Variants in CNTNAP5 observed in about 807,000 individuals in gnomAD.
The protein encoded by CNTNAP5 is contactin-associated protein-like 5.
In CNTNAP5, 72 loss-of-function variants were observed where a neutral mutation model predicts 150.2. The ratio of observed to expected loss-of-function variants is 0.48; its 90% CI spans 0.40 to 0.58. CNTNAP5 has a LOEUF of 0.58. CNTNAP5 is among the 20% of genes least tolerant of loss of function. The pLI is 0.00. For synonymous variants in CNTNAP5, 672 were observed against 619.8 expected (o/e 1.08, Z -1.25); for missense variants, 1,636 against 1,626.2 (o/e 1.01, Z -0.10).
intron 1 of CNTNAP5, among the ~76,000 whole-genome samples, chr2:124,056,327 A>G (rs1202234732): frequency 1.3e-5 from 2 of 152,092 alleles, no homozygotes; most frequent in Non-Finnish European, 2.9e-5. Context: ...AGCATCTTCT[A>G]TACAACTGGA....
At chr2:124,554,484 G>A (rs1045725263) in intron 10 of CNTNAP5, among the ~76,000 whole-genome samples, 2 of 149,306 alleles carry the variant, frequency 1.3e-5, no homozygotes, top group African/African-American at 2.5e-5. Flanking sequence ...GTAGTGGTGA[G>A]GTCATAGCCC....
At chr2:124,563,086 C>G (rs1020061531) in intron 10 of CNTNAP5, 131 bp from the exon 11 acceptor site, 6 of 628,430 alleles carry the variant, frequency 9.5e-6, no homozygotes, top group South Asian at 3.8e-5. Context: ...TTCAATCTGC[C>G]TTAGGTATGG....
chr2:124,557,480 C>A (rs10188071), intron 10 of CNTNAP5, among the ~76,000 whole-genome samples: 35,315 of 152,076 alleles, frequency 0.23, 4,335 homozygotes, highest in South Asian at 0.31. Flanking sequence ...GAGGGCTGCA[C>A]CCCAGAAATG....
chr2:124,492,700 A>G (rs1017365988), intron 7 of CNTNAP5, among the ~76,000 whole-genome samples: 12 of 152,056 alleles, frequency 7.9e-5, no homozygotes, highest in South Asian at 2.1e-4. Context: ...TATTCTTATT[A>G]CTCGAACATG....
chr2:124,093,225 G>T (rs1682855681), intron 1 of CNTNAP5, among the ~76,000 whole-genome samples: 1 of 152,164 alleles, frequency 6.6e-6, no homozygotes, highest in African/African-American at 2.4e-5. Flanking sequence ...GTACATTCTT[G>T]CAATATGAAA....
intron 10 of CNTNAP5, among the ~76,000 whole-genome samples, chr2:124,541,751 A>G (rs990988176): frequency 6.6e-6 from 1 of 152,166 alleles, no homozygotes; most frequent in Non-Finnish European, 1.5e-5. Context: ...CCAACTATCG[A>G]TAAATAGCTG....
chr2:124,126,490 G>A (rs191877508), intron 1 of CNTNAP5, among the ~76,000 whole-genome samples: 309 of 152,228 alleles, frequency 2.0e-3, no homozygotes, highest in African/African-American at 7.0e-3. Context: ...ACAAAGAGGA[G>A]CTGGTACCAT....
intron 13 of CNTNAP5, among the ~76,000 whole-genome samples, chr2:124,741,091 T>A (rs1422553418): frequency 1.3e-5 from 2 of 152,182 alleles, no homozygotes; most frequent in Non-Finnish European, 2.9e-5. Context: ...CTTCAAACAT[T>A]GTATGAATAA....
intron 17 of CNTNAP5, among the ~76,000 whole-genome samples, chr2:124,788,464 A>T (rs1162118599): frequency 6.6e-6 from 1 of 152,244 alleles, no homozygotes; most frequent in Non-Finnish European, 1.5e-5. Context: ...GCTTAATTTA[A>T]GGATTAATCA....
chr2:124,627,166 G>GA (rs1039141734), intron 12 of CNTNAP5, among the ~76,000 whole-genome samples: 2 of 152,126 alleles, frequency 1.3e-5, no homozygotes, highest in Non-Finnish European at 2.9e-5. Flanking sequence ...TGCCGGCTCT[G>GA]AAAAAATCAG....
intron 1 of CNTNAP5, among the ~76,000 whole-genome samples, chr2:124,089,854 C>T (rs1682774896): frequency 6.6e-6 from 1 of 152,224 alleles, no homozygotes. Context: ...ATTATCCTAG[C>T]TGTTCTAGCC....
At position 124,635,172 on chromosome 2, in the gene CNTNAP5, C is replaced by T. The variant is rs577252206; in HGVS notation, c.1877-12586C>T. Among the ~76,000 whole-genome samples the T allele has an allele frequency of 7.3e-4, 111 of 152,162 alleles. 1 individual carries two copies. Among genetic ancestry groups the T allele is most frequent in the African/African-American group, 2.2e-3 (90 of 41,502 alleles). On this transcript the variant is annotated intron_variant, in intron 12 of 23. Coordinates refer to ENST00000682447, the MANE Select transcript of CNTNAP5 (RefSeq NM_001367498.1). ...AGTATGATGGCTTCTGGGGAGGCCTCGGGAAACTTTCAATCGTAATGGAAA... is the reference window on the plus strand; with the variant it reads ...AGTATGATGGCTTCTGGGGAGGCCTTGGGAAACTTTCAATCGTAATGGAAA...
chr2:124,746,278 T>C (rs1680601240), intron 13 of CNTNAP5, among the ~76,000 whole-genome samples: 1 of 152,176 alleles, frequency 6.6e-6, no homozygotes, highest in African/African-American at 2.4e-5. Flanking sequence ...ACTTTAAGAA[T>C]GATAATTCTA....
chr2:124,706,940 AAGGAGGAGGAGG>A (rs368704738), intron 13 of CNTNAP5, among the ~76,000 whole-genome samples: 3 of 18,174 alleles, frequency 1.7e-4, no homozygotes, highest in Non-Finnish European at 4.1e-4. Context: ...GAAGAAGAAG[AAGGAGGAGGAGG>A]AGGAGGAGGA....
At position 124,285,011 on chromosome 2, in the gene CNTNAP5, C is replaced by T. The variant is rs147856433; in HGVS notation, c.381+42618C>T. ...TAGCTCACTGCAGCCTCAATCTCCT[C>T]GGCTCAAGCAGTCCTCCCACCTCAG... On this transcript the variant is annotated intron_variant, in intron 3 of 23. Coordinates refer to ENST00000682447, the MANE Select transcript of CNTNAP5 (RefSeq NM_001367498.1). 5.5e-3 allele frequency among the ~76,000 whole-genome samples: 838 copies of T among 152,180 alleles called. 7 individuals are homozygous for T. Among genetic ancestry groups the T allele is most frequent in the African/African-American group, 0.019 (798 of 41,542 alleles).
chr2:124,196,167 A>T (rs1360634524), intron 1 of CNTNAP5, among the ~76,000 whole-genome samples: 1 of 152,110 alleles, frequency 6.6e-6, no homozygotes, highest in African/African-American at 2.4e-5. Context: ...ATTGTTCAAG[A>T]TATTACCTCT....
intron 16 of CNTNAP5, among the ~76,000 whole-genome samples, chr2:124,767,570 T>C (rs1681094507): frequency 6.6e-6 from 1 of 152,178 alleles, no homozygotes; most frequent in Non-Finnish European, 1.5e-5. Flanking sequence ...ACTTTTGTTC[T>C]TCCAAGTGGG....
At chr2:124,519,648 G>A (rs1337791243) in intron 8 of CNTNAP5, among the ~76,000 whole-genome samples, 1 of 152,190 alleles carries the variant, frequency 6.6e-6, no homozygotes, top group Non-Finnish European at 1.5e-5. Context: ...GTAAGAATTA[G>A]GAATTACATT....
chr2:124,655,800 C>T (rs575782642), intron 13 of CNTNAP5, among the ~76,000 whole-genome samples: 4 of 151,646 alleles, frequency 2.6e-5, no homozygotes, highest in African/African-American at 9.7e-5. Flanking sequence ...CCTCTAGAGG[C>T]TGAAGTGGAA....
Sources: gnomAD v4.1 joint callset for allele counts (sites outside exome capture counted in the v4.1 genomes callset) on GRCh38, gnomAD v4.1.1 for gene constraint, MANE v1.5 for transcripts, NCBI Gene and HGNC (gene_info 2026-07-23, HGNC 2026-07-21) for gene names.